Variants in LMO1 observed in about 807,000 individuals in gnomAD.
The protein encoded by LMO1 is rhombotin-1.
In LMO1, 10 loss-of-function variants were observed where a neutral mutation model predicts 18.0. The observed-to-expected ratio is 0.55, with a 90% CI of 0.34 to 0.94. LMO1 has a LOEUF of 0.94. LMO1 is among the 40% of genes least tolerant of loss of function. LMO1 has a pLI of 0.02. For missense variants in LMO1, 183 were observed against 205.7 expected (o/e 0.89, Z 0.68); for synonymous variants, 77 against 77.9 (o/e 0.99, Z 0.06).
Position 8,245,142 on chromosome 11 carries a change from AC to A in LMO1, c.26-14639del, listed in dbSNP as rs370069815. ...GGAAACTGAGGCTCAGAGAGGTGGA[AC>A]AACTTATCTAAAGTCACACAGCTCA... On this transcript the variant is annotated intron_variant, in intron 1 of 3. Transcript: ENST00000335790. 4.3e-4 allele frequency among the ~76,000 whole-genome samples: 65 copies of A among 152,308 alleles called. 1 individual carries two copies. In the East Asian group the frequency reaches 0.012, roughly 28 times the overall value.
At chr11:8,241,801 C>A (rs372580367) in intron 1 of LMO1, among the ~76,000 whole-genome samples, 334 of 144,242 alleles carry the variant, frequency 2.3e-3, no homozygotes, top group African/African-American at 6.8e-3. Flanking sequence ...AAAAAAAAAA[C>A]AAAAAAAAGT....
intron 1 of LMO1, among the ~76,000 whole-genome samples, chr11:8,252,676 G>A (rs190283555): frequency 4.1e-4 from 63 of 152,380 alleles, no homozygotes; most frequent in African/African-American, 1.3e-3. Context: ...CCAGCAAGGC[G>A]TGGAGGCCCT....
intron 1 of LMO1, among the ~76,000 whole-genome samples, chr11:8,232,954 C>T (rs1044865107): frequency 6.6e-6 from 1 of 152,192 alleles, no homozygotes; most frequent in Non-Finnish European, 1.5e-5. Context: ...AACTCCAGCA[C>T]TGGTCGACAA....
At chr11:8,268,311 C>T (rs1288864544), upstream of LMO1, 1 of 826,476 alleles carries the variant, frequency 1.2e-6, no homozygotes, top group Non-Finnish European at 1.7e-6. Flanking sequence ...AGGAGGCCCG[C>T]GGGTGCTGAG....
At chr11:8,264,785 C>T (rs1847244490), upstream of LMO1, among the ~76,000 whole-genome samples, 1 of 152,168 alleles carries the variant, frequency 6.6e-6, no homozygotes, top group African/African-American at 2.4e-5. Context: ...GCACACACCA[C>T]CACGCCCAGC....
At chr11:8,265,105 C>T (rs188572715), upstream of LMO1, among the ~76,000 whole-genome samples, 42 of 152,302 alleles carry the variant, frequency 2.8e-4, no homozygotes, top group Middle Eastern at 3.4e-3. Flanking sequence ...GAAAGAGAAA[C>T]GGGCTGAAGG....
chr11:8,240,854 A>G (rs3849994), intron 1 of LMO1, among the ~76,000 whole-genome samples: 24,097 of 152,198 alleles, frequency 0.16, 3,620 homozygotes, highest in African/African-American at 0.4. Flanking sequence ...ATTCTGGAGC[A>G]TAGTGATTCT....
intron 1 of LMO1, among the ~76,000 whole-genome samples, chr11:8,240,022 C>T (rs1197137059): frequency 6.6e-6 from 1 of 152,208 alleles, no homozygotes; most frequent in Admixed American, 6.5e-5. Flanking sequence ...CAGATCCAGG[C>T]TGCTGGCCAG....
At chr11:8,266,188 C>G (rs940091569), upstream of LMO1, among the ~76,000 whole-genome samples, 1 of 152,194 alleles carries the variant, frequency 6.6e-6, no homozygotes, top group Non-Finnish European at 1.5e-5. Flanking sequence ...CATGGTGCTC[C>G]CAAACTGATC....
At chr11:8,227,608 G>A (rs1232888924) in intron 2 of LMO1, among the ~76,000 whole-genome samples, 1 of 152,208 alleles carries the variant, frequency 6.6e-6, no homozygotes, top group Non-Finnish European at 1.5e-5. Context: ...AACCACCTAG[G>A]TAGTGTTCAC....
At chr11:8,265,355 G>T (rs994282288), upstream of LMO1, among the ~76,000 whole-genome samples, 5 of 152,184 alleles carry the variant, frequency 3.3e-5, no homozygotes, top group African/African-American at 1.2e-4. Context: ...GAGACCTGGA[G>T]GCTAGGTCTT....
At chr11:8,251,120 C>G (rs1260432413) in intron 1 of LMO1, among the ~76,000 whole-genome samples, 1 of 152,166 alleles carries the variant, frequency 6.6e-6, no homozygotes, top group African/African-American at 2.4e-5. Flanking sequence ...GCTGGCCTGG[C>G]CCTGCCACAC....
At chr11:8,230,572 C>A in intron 1 of LMO1, 68 bp from the exon 2 acceptor site, 6 of 1,497,278 alleles carry the variant, frequency 4.0e-6, no homozygotes, top group Non-Finnish European at 5.5e-6. Context: ...GGAATATCCC[C>A]CAAGAATGGG....
chr11:8,231,901 G>A (rs892039508), intron 1 of LMO1, among the ~76,000 whole-genome samples: 2 of 152,134 alleles, frequency 1.3e-5, no homozygotes, highest in Non-Finnish European at 2.9e-5. Flanking sequence ...GCCACAAGAG[G>A]CCTTGGTCTC....
At chr11:8,244,172 G>A (rs938902987) in intron 1 of LMO1, among the ~76,000 whole-genome samples, 3 of 149,340 alleles carry the variant, frequency 2.0e-5, no homozygotes, top group Non-Finnish European at 4.4e-5. Context: ...GGAGCACCGG[G>A]AAAGGAGGCT....
At chr11:8,254,516 A>G (rs1384757723) in intron 1 of LMO1, among the ~76,000 whole-genome samples, 1 of 152,224 alleles carries the variant, frequency 6.6e-6, no homozygotes, top group African/African-American at 2.4e-5. Flanking sequence ...AAGTCAGCTC[A>G]GGGAACACAG....
intron 1 of LMO1, among the ~76,000 whole-genome samples, chr11:8,258,376 ACCCC>A (rs1373244054): frequency 1.4e-4 from 21 of 151,546 alleles, no homozygotes; most frequent in Non-Finnish European, 2.2e-4. Flanking sequence ...CAAGGCACTC[ACCCC>A]CAGCCTTCCC....
At chr11:8,255,986 C>T (rs1023295617) in intron 1 of LMO1, among the ~76,000 whole-genome samples, 4 of 151,924 alleles carry the variant, frequency 2.6e-5, no homozygotes, top group Non-Finnish European at 4.4e-5. Context: ...CCACCACGCC[C>T]GGCTAATTTT....
intron 1 of LMO1, among the ~76,000 whole-genome samples, chr11:8,245,779 T>C (rs1186095908): frequency 2.0e-5 from 3 of 152,236 alleles, no homozygotes; most frequent in Non-Finnish European, 2.9e-5. Flanking sequence ...TTTCTTGTGT[T>C]GCTATAAAGA....
Sources: allele counts gnomAD v4.1 joint callset (sites outside exome capture counted in the v4.1 genomes callset), GRCh38; gene constraint gnomAD v4.1.1; transcripts MANE v1.5; gene names NCBI Gene and HGNC (gene_info 2026-07-23, HGNC 2026-07-21).